Variants in RIMBP2 observed in about 807,000 individuals in gnomAD.
The protein encoded by RIMBP2 is RIMS binding protein 2, also known as RIMS-binding protein 2.
RIMBP2 carries 48 observed loss-of-function variants against 118.6 expected under a neutral mutation model. The observed-to-expected ratio is 0.40, with a 90% confidence interval of 0.32 to 0.51. The LOEUF is 0.51. Ranked by LOEUF, RIMBP2 falls within the 20% of genes least tolerant of loss-of-function variation. RIMBP2 has a pLI of 0.41. For synonymous variants in RIMBP2, 762 were observed against 742.9 expected, an observed-to-expected ratio of 1.03 and a Z score of -0.42; for missense variants, 1,551 against 1,768.3, an observed-to-expected ratio of 0.88 and a Z score of 2.20.
At chr12:130,529,896 A>G (rs1227706939) in intron 2 of RIMBP2, among the ~76,000 whole-genome samples, 2 of 152,048 alleles carry the variant, frequency 1.3e-5, no homozygotes, top group Non-Finnish European at 2.9e-5. Flanking sequence ...CTGATCTGAT[A>G]GAAGGCAGAG....
chr12:130,435,193 G>A (rs1258702692), intron 13 of RIMBP2, among the ~76,000 whole-genome samples: 1 of 152,030 alleles, frequency 6.6e-6, no homozygotes, highest in African/African-American at 2.4e-5. Context: ...CTACAAGCAT[G>A]CACCACCATG....
rs2136767160 is a variant in RIMBP2, at chr12:130,424,667, C to T, written c.2604G>A (p.Arg868=). 1.6e-6 allele frequency: 2 copies of T among 1,231,944 alleles called. No individual in the cohort carries two copies. The highest frequency in any genetic ancestry group is 1.0e-6 in the Non-Finnish European group (1 of 987,876). 76.3% of individuals were successfully genotyped at this position (1,231,944 alleles called of 1,614,324 possible). ...CGTCGCCCCTGTAGGGCCTGCCGGG[C>T]CTGGGCTCTCTGGCCAGCCCCGTCC... is the stretch of plus-strand genomic sequence containing the variant. ...RARTGLAREP[R]PGRPYRGDEA... The change falls in exon 16 of 23, where the codon AGG becomes AGA. Residue 868 remains arginine, a synonymous_variant. Coordinates refer to ENST00000690449, the MANE Select transcript of RIMBP2 (RefSeq NM_001393629.1). This position sits in a 1 kb window ranked among gnomAD's most constrained non-coding sequence, Gnocchi z 9.8.
chr12:130,680,855 G>T (rs975762712), intron 1 of RIMBP2, among the ~76,000 whole-genome samples: 1 of 152,116 alleles, frequency 6.6e-6, no homozygotes, highest in East Asian at 1.9e-4. Context: ...GACAGTTCCC[G>T]CCACACTTCA....
Position 130,397,119 on chromosome 12 carries a change from C to T in RIMBP2, c.*242G>A, listed in dbSNP as rs2074126762. Reference sequence around the variant, plus strand: ...GCGCCCCCGTTTGTTAATAAGACGTCCCCTCCCACCTCCCAAATCAGAGCT... The same window carrying T: ...GCGCCCCCGTTTGTTAATAAGACGTTCCCTCCCACCTCCCAAATCAGAGCT... On this transcript the variant is annotated 3_prime_UTR_variant, in exon 23 of 23. Transcript: ENST00000690449. 1 of 303,750 alleles carries T rather than the reference C, an allele frequency of 3.3e-6. No individual in the cohort carries two copies. The highest frequency in any genetic ancestry group is 5.2e-5 in the East Asian group (1 of 19,384). The allele number at this position is 303,750 out of a possible 1,614,324, so 18.8% of individuals were successfully genotyped here. A position where few individuals can be genotyped will look rare whatever the true frequency, so the allele number is the denominator to read the frequency against.
At chr12:130,402,165 G>T (rs2074659873) in intron 21 of RIMBP2, among the ~76,000 whole-genome samples, 1 of 152,196 alleles carries the variant, frequency 6.6e-6, no homozygotes. Flanking sequence ...CGTCCAAAGT[G>T]ACGACGGGAC....
intron 2 of RIMBP2, among the ~76,000 whole-genome samples, chr12:130,613,350 G>A (rs577335242): frequency 3.3e-5 from 5 of 152,302 alleles, no homozygotes; most frequent in South Asian, 4.1e-4. Context: ...CTCCTACTGC[G>A]ACCTCATCGG....
intron 7 of RIMBP2, among the ~76,000 whole-genome samples, chr12:130,452,369 C>T (rs564219912): frequency 1.1e-4 from 17 of 152,290 alleles, no homozygotes; most frequent in South Asian, 6.2e-4. Flanking sequence ...AGCAGGACAG[C>T]GCCACCATGG....
rs995360423 is a variant in RIMBP2 at position 130,509,041 on chromosome 12, C to A, written c.-126-2271G>T. 8.5e-5 allele frequency among the ~76,000 whole-genome samples: 13 copies of A among 152,138 alleles called. No homozygotes were observed. In the East Asian group the frequency reaches 2.1e-3, roughly 25 times the overall value. Reference sequence around the variant, plus strand: ...ATCAAGAAATGATGGATCAGCATGACCCCCGGCCCCCGGCCCTCCCCACCA... The same window carrying A: ...ATCAAGAAATGATGGATCAGCATGAACCCCGGCCCCCGGCCCTCCCCACCA... On this transcript the variant is annotated intron_variant, in intron 3 of 22. Transcript: ENST00000690449.
chr12:130,506,974 C>T (rs2050422437), intron 3 of RIMBP2, among the ~76,000 whole-genome samples: 1 of 152,168 alleles, frequency 6.6e-6, no homozygotes, highest in Non-Finnish European at 1.5e-5. Flanking sequence ...CGACCTCCAT[C>T]TTCCTCCCTC....
intron 1 of RIMBP2, among the ~76,000 whole-genome samples, chr12:130,681,684 G>A (rs919057951): frequency 7.9e-5 from 12 of 152,170 alleles, no homozygotes; most frequent in Admixed American, 6.5e-4. Flanking sequence ...ACAACCTCAC[G>A]CGAGTATTTC....
chr12:130,540,503 C>T (rs768052770), intron 2 of RIMBP2, among the ~76,000 whole-genome samples: 2 of 152,144 alleles, frequency 1.3e-5, no homozygotes, highest in Admixed American at 6.5e-5. Flanking sequence ...GTTTCTTTCT[C>T]AGGAAACCGA....
In RIMBP2 at chr12:130,581,734, G is replaced by T. The variant is rs186944687; in HGVS notation, c.-217+46588C>A. Reference sequence around the variant, plus strand: ...CCTGAGTCATCACCATTCCTCGCCGGGTTATGAGAATGGCCTCTCAATGGG... The same window carrying T: ...CCTGAGTCATCACCATTCCTCGCCGTGTTATGAGAATGGCCTCTCAATGGG... On this transcript the variant is annotated intron_variant, in intron 2 of 22. Coordinates refer to ENST00000690449, the MANE Select transcript of RIMBP2 (RefSeq NM_001393629.1). The surrounding 1 kb of genome is among the most constrained non-coding windows in gnomAD (Gnocchi z 4.4). Among the ~76,000 whole-genome samples, 2 of 152,166 alleles carry T rather than the reference G, an allele frequency of 1.3e-5. No homozygotes were observed.
intron 21 of RIMBP2, among the ~76,000 whole-genome samples, chr12:130,405,767 T>TTTTTG (rs5801919): frequency 0.98 from 147,682 of 151,372 alleles, 72,145 homozygotes; most frequent in South Asian, 1. Flanking sequence ...GGGTTTTAGG[T>TTTTTG]TTTTGTTTTG....
chr12:130,654,596 C>G (rs140178891), intron 1 of RIMBP2, among the ~76,000 whole-genome samples: 2 of 152,354 alleles, frequency 1.3e-5, no homozygotes, highest in African/African-American at 4.8e-5. Flanking sequence ...GCCTATTACC[C>G]AGTCCCAAAG....
At chr12:130,640,266 A>T (rs1207282818) in intron 1 of RIMBP2, among the ~76,000 whole-genome samples, 1 of 152,130 alleles carries the variant, frequency 6.6e-6, no homozygotes, top group Non-Finnish European at 1.5e-5. Flanking sequence ...CATTTAATTA[A>T]ACACACTTAC....
intron 5 of RIMBP2, among the ~76,000 whole-genome samples, chr12:130,474,795 G>A (rs992809280): frequency 2.6e-5 from 4 of 152,172 alleles, no homozygotes; most frequent in African/African-American, 7.2e-5. Flanking sequence ...ACTGCACTCC[G>A]GGTCCCAGCC....
chr12:130,586,251 A>C (rs948287775), intron 2 of RIMBP2, among the ~76,000 whole-genome samples: 1 of 152,180 alleles, frequency 6.6e-6, no homozygotes, highest in Non-Finnish European at 1.5e-5. Context: ...TCAGGAGTTC[A>C]AGACCAGCCT....
intron 4 of RIMBP2, among the ~76,000 whole-genome samples, chr12:130,496,867 G>A (rs546783946): frequency 7.9e-5 from 12 of 152,180 alleles, no homozygotes; most frequent in Non-Finnish European, 1.5e-4. Flanking sequence ...TGACTGCCCC[G>A]ATGTCACTGA....
At chr12:130,660,413 G>C (rs1188630794) in intron 1 of RIMBP2, 1 of 151,882 alleles carries the variant, frequency 6.6e-6, no homozygotes, top group Non-Finnish European at 1.5e-5. Flanking sequence ...CGTGAACAAC[G>C]GACCAAGGAG....
Sources: gnomAD v4.1 joint callset for allele counts (sites outside exome capture counted in the v4.1 genomes callset) on GRCh38, gnomAD v4.1.1 for gene constraint, Gnocchi (gnomAD v3.1) non-coding constraint, MANE v1.5 for transcripts, NCBI Gene and HGNC (gene_info 2026-07-23, HGNC 2026-07-21) for gene names.